Variants in FER observed in about 807,000 individuals in gnomAD.
FER encodes the protein FER tyrosine kinase, also known as tyrosine-protein kinase Fer.
Under a neutral mutation model 111.0 loss-of-function variants are expected in FER, and 63 were observed. That is an observed-to-expected ratio of 0.57 (90% CI 0.46 to 0.70). FER has a LOEUF of 0.70. FER is among the 30% of genes least tolerant of loss of function. The probability of loss-of-function intolerance (pLI) is 0.00; values close to 1 mark genes in which losing one functional copy is unlikely to be tolerated. For synonymous variants in FER, 327 were observed against 313.9 expected (o/e 1.04, Z -0.44); for missense variants, 914 against 954.0 (o/e 0.96, Z 0.55).
At chr5:108,756,099 A>G (rs1751070001) in intron 1 of FER, among the ~76,000 whole-genome samples, 1 of 150,198 alleles carries the variant, frequency 6.7e-6, no homozygotes, top group Non-Finnish European at 1.5e-5. Flanking sequence ...GGTTGCGGTG[A>G]GCCGAGACCA....
At chr5:108,822,601 C>G (rs1350196759) in intron 3 of FER, among the ~76,000 whole-genome samples, 1 of 152,124 alleles carries the variant, frequency 6.6e-6, no homozygotes, top group Non-Finnish European at 1.5e-5. Flanking sequence ...ACTCACTATT[C>G]TGAGAATGGC....
At chr5:109,018,147 A>C (rs1767444089) in intron 13 of FER, among the ~76,000 whole-genome samples, 1 of 151,804 alleles carries the variant, frequency 6.6e-6, no homozygotes, top group African/African-American at 2.4e-5. Flanking sequence ...ATTGAATTGG[A>C]GACATAAGAA....
At chr5:109,077,209 T>C (rs1235733204) in intron 16 of FER, among the ~76,000 whole-genome samples, 1 of 152,214 alleles carries the variant, frequency 6.6e-6, no homozygotes, top group Non-Finnish European at 1.5e-5. Context: ...TGTGAATCAC[T>C]CTTTCAGACA....
At chr5:109,176,542 T>C (rs1287392274) in intron 17 of FER, among the ~76,000 whole-genome samples, 2 of 152,122 alleles carry the variant, frequency 1.3e-5, no homozygotes, top group African/African-American at 4.8e-5. Flanking sequence ...TATAGCTATA[T>C]AGAAAGAGTT....
At chr5:108,931,969 T>G (rs1373422688) in intron 10 of FER, among the ~76,000 whole-genome samples, 2 of 152,176 alleles carry the variant, frequency 1.3e-5, no homozygotes, top group East Asian at 3.9e-4. Context: ...ATTTTGTGTG[T>G]GTGTGTGTGT....
intron 10 of FER, among the ~76,000 whole-genome samples, chr5:108,927,271 T>TTTTTTTTTTTTTTTTTTAA (rs1753893654): frequency 7.4e-6 from 1 of 134,242 alleles, no homozygotes; most frequent in African/African-American, 3.0e-5. Flanking sequence ...TTTTTTTTTT[T>TTTTTTTTTTTTTTTTTTAA]GAGACGGAGT....
intron 3 of FER, among the ~76,000 whole-genome samples, chr5:108,798,605 T>A (rs1756303939): frequency 1.3e-5 from 2 of 152,154 alleles, no homozygotes; most frequent in South Asian, 4.2e-4. Context: ...CCTAGCACTT[T>A]GGAAGGCTGA....
intron 16 of FER, among the ~76,000 whole-genome samples, chr5:109,085,704 T>G (rs78632207): frequency 0.045 from 6,817 of 151,798 alleles, 184 homozygotes; most frequent in South Asian, 0.085. Context: ...GGTGTTCCTT[T>G]TAGGACCTAG....
At chr5:108,750,983 G>A (rs1213239806) in intron 1 of FER, among the ~76,000 whole-genome samples, 4 of 152,112 alleles carry the variant, frequency 2.6e-5, no homozygotes, top group Non-Finnish European at 5.9e-5. Context: ...ACCTGAGGTC[G>A]GGAGTTCGAG....
At position 109,184,606 on chromosome 5, in the gene FER, A is replaced by G. The variant is rs146113559; in HGVS notation, c.2204-1594A>G. ...CTGTATAACCTACATTTTCTTAAAG[A>G]ATTAGTCTTAACTTGTAGCCATAGA... On this transcript the variant is annotated intron_variant, in intron 18 of 19. Coordinates refer to ENST00000281092, the MANE Select transcript of FER (RefSeq NM_005246.4). Among the ~76,000 whole-genome samples, 78 of 152,280 alleles carry G rather than the reference A, an allele frequency of 5.1e-4. 1 individual carries two copies. The East Asian group carries it at 0.013, about 26-fold the overall frequency.
At chr5:109,022,485 T>C (rs914535929) in intron 13 of FER, among the ~76,000 whole-genome samples, 1 of 152,100 alleles carries the variant, frequency 6.6e-6, no homozygotes, top group African/African-American at 2.4e-5. Context: ...TATTTGACTT[T>C]CCAGGTTATT....
chr5:108,755,527 C>T (rs540759191), intron 1 of FER, among the ~76,000 whole-genome samples: 1 of 152,110 alleles, frequency 6.6e-6, no homozygotes, highest in South Asian at 2.1e-4. Flanking sequence ...CTCTTGTTGC[C>T]CAGGCTGAAG....
At chr5:108,942,300 T>G (rs1168805875) in intron 10 of FER, among the ~76,000 whole-genome samples, 1 of 152,176 alleles carries the variant, frequency 6.6e-6, no homozygotes, top group Non-Finnish European at 1.5e-5. Context: ...CTCACCGAAC[T>G]CTATTCTGTT....
intron 13 of FER, among the ~76,000 whole-genome samples, chr5:108,967,744 A>C: frequency 1.4e-5 from 2 of 141,932 alleles, no homozygotes; most frequent in Non-Finnish European, 3.0e-5. Context: ...TGGGCGACAA[A>C]GCGAGACTCC....
chr5:108,964,815 C>T (rs1335322877), intron 13 of FER, among the ~76,000 whole-genome samples: 1 of 151,998 alleles, frequency 6.6e-6, no homozygotes, highest in East Asian at 1.9e-4. Context: ...AAATAAATTA[C>T]AGTAAATTCC....
At position 108,872,219 on chromosome 5, in the gene FER, A is replaced by C. The variant is rs939451413; in HGVS notation, c.923+7A>C. 2 of 1,597,366 alleles carry C rather than the reference A, an allele frequency of 1.3e-6. No individual in the cohort carries two copies. The highest frequency in any genetic ancestry group is 1.7e-6 in the Non-Finnish European group (2 of 1,173,038). ...CAGAAAGTTTGCAAGTAATGTAAGT[A>C]TTCACAAAATATCAACAGTTTAAAT... On this transcript the variant is annotated splice_region_variant and intron_variant, in intron 8 of 19. Coordinates refer to ENST00000281092, the MANE Select transcript of FER (RefSeq NM_005246.4).
At chr5:109,169,836 TAGGGG>T (rs1756922531) in intron 17 of FER, among the ~76,000 whole-genome samples, 1 of 152,128 alleles carries the variant, frequency 6.6e-6, no homozygotes, top group Non-Finnish European at 1.5e-5. Flanking sequence ...TGGGAGAATT[TAGGGG>T]ACGTAGTCCA....
chr5:109,055,960 G>A (rs1414567991), intron 16 of FER, among the ~76,000 whole-genome samples: 7 of 151,748 alleles, frequency 4.6e-5, no homozygotes, highest in African/African-American at 9.7e-5. Context: ...AAAAATGGCC[G>A]ACAGATATAC....
rs532632748 is a variant in FER at position 109,044,952 on chromosome 5, C to A, written c.1829+157C>A. On this transcript the variant is annotated intron_variant, in intron 15 of 19. Transcript: ENST00000281092. ...AAATTTGTGCTTTTGTGATATTCTG[C>A]AGATCAATTCAGCAATCATAGTCAA... The A allele has an allele frequency of 5.8e-4, 265 of 457,342 alleles. 3 individuals are homozygous for A. In the Middle Eastern group the frequency reaches 7.9e-3, roughly 14 times the overall value. 28.3% of individuals were successfully genotyped at this position (457,342 alleles called of 1,614,324 possible). A position where few individuals can be genotyped will look rare whatever the true frequency, so the allele number is the denominator to read the frequency against.
Sources: allele counts gnomAD v4.1 joint callset (sites outside exome capture counted in the v4.1 genomes callset), GRCh38; gene constraint gnomAD v4.1.1; transcripts MANE v1.5; gene names NCBI Gene and HGNC (gene_info 2026-07-23, HGNC 2026-07-21).